ROBO2: variants seen among roughly 807,000 people sequenced by gnomAD.
The protein encoded by ROBO2 is roundabout homolog 2.
A neutral mutation model predicts 160.8 loss-of-function variants in ROBO2; 53 were observed. The ratio of observed to expected loss-of-function variants is 0.33; its 90% CI spans 0.26 to 0.41. The LOEUF is 0.41. Among genes scored for constraint, ROBO2 ranks in the 10% least tolerant of loss-of-function variants. ROBO2 has a pLI of 1.00. For synonymous variants in ROBO2, 664 were observed against 611.7 expected (o/e 1.09, Z -1.26); for missense variants, 1,577 against 1,722.4 (o/e 0.92, Z 1.49).
intron 2 of ROBO2, among the ~76,000 whole-genome samples, chr3:77,292,973 C>T (rs2061498253): frequency 6.8e-6 from 1 of 148,038 alleles, no homozygotes; most frequent in Non-Finnish European, 1.5e-5. Flanking sequence ...TCACCAAAGA[C>T]ATTAAGTAAA....
chr3:76,564,113 C>A (rs182939484), intron 2 of ROBO2, among the ~76,000 whole-genome samples: 1 of 152,196 alleles, frequency 6.6e-6, no homozygotes, highest in South Asian at 2.1e-4. Flanking sequence ...GGCTGAGACA[C>A]GAGAATCGCA....
intron 2 of ROBO2, among the ~76,000 whole-genome samples, chr3:76,465,998 G>GTGT (rs1553763872): frequency 2.0e-5 from 3 of 147,668 alleles, no homozygotes; most frequent in South Asian, 2.1e-4. Context: ...ATAAAATATG[G>GTGT]GTGTGTGTGT....
intron 2 of ROBO2, among the ~76,000 whole-genome samples, chr3:76,207,672 A>G (rs1453564125): frequency 6.6e-6 from 1 of 152,216 alleles, no homozygotes; most frequent in Non-Finnish European, 1.5e-5. Flanking sequence ...GGTGAAATTG[A>G]CAAATGAAAA....
intron 2 of ROBO2, among the ~76,000 whole-genome samples, chr3:76,802,457 G>A (rs569428497): frequency 1.3e-5 from 2 of 152,018 alleles, no homozygotes; most frequent in African/African-American, 2.4e-5. Context: ...GGCCGGGCGC[G>A]GTGGCTCACG....
intron 2 of ROBO2, among the ~76,000 whole-genome samples, chr3:76,656,599 C>G (rs1443000450): frequency 1.3e-5 from 2 of 151,986 alleles, no homozygotes; most frequent in African/African-American, 4.8e-5. Context: ...TTTATGGGCA[C>G]TTGTAAGGTT....
intron 2 of ROBO2, among the ~76,000 whole-genome samples, chr3:76,920,466 C>G (rs756767869): frequency 3.4e-4 from 52 of 152,126 alleles, no homozygotes; most frequent in Non-Finnish European, 6.8e-4. Context: ...TAAAAGTTCA[C>G]CTTTTCCTAG....
intron 2 of ROBO2, among the ~76,000 whole-genome samples, chr3:76,537,871 G>A (rs2108173235): frequency 1.3e-5 from 2 of 152,176 alleles, no homozygotes; most frequent in Non-Finnish European, 2.9e-5. Flanking sequence ...TGTCAGCAGG[G>A]GAGGGGGTCA....
At chr3:76,157,231 A>C (rs1205294180) in intron 2 of ROBO2, among the ~76,000 whole-genome samples, 2 of 152,114 alleles carry the variant, frequency 1.3e-5, no homozygotes, top group African/African-American at 4.8e-5. Context: ...TACTTGGCTG[A>C]TTATTTGAAC....
intron 2 of ROBO2, among the ~76,000 whole-genome samples, chr3:76,089,896 C>T (rs547644714): frequency 3.3e-5 from 5 of 151,980 alleles, no homozygotes; most frequent in Admixed American, 6.6e-5. Context: ...TCCTTGTTTG[C>T]AGATGACATG....
chr3:76,694,407 G>A (rs2107300884), intron 2 of ROBO2, among the ~76,000 whole-genome samples: 1 of 152,226 alleles, frequency 6.6e-6, no homozygotes, highest in Non-Finnish European at 1.5e-5. Flanking sequence ...AGCTAGTTCA[G>A]TGACTGTTAT....
At chr3:76,217,036 T>C (rs1440518100) in intron 2 of ROBO2, among the ~76,000 whole-genome samples, 2 of 152,122 alleles carry the variant, frequency 1.3e-5, no homozygotes, top group African/African-American at 2.4e-5. Flanking sequence ...ACATGGAAAC[T>C]GAACAACCTG....
At chr3:76,509,519 C>T (rs996615134) in intron 2 of ROBO2, among the ~76,000 whole-genome samples, 3 of 152,092 alleles carry the variant, frequency 2.0e-5, no homozygotes. Context: ...AAGGAAGCTT[C>T]TCCTTATTCA....
intron 2 of ROBO2, among the ~76,000 whole-genome samples, chr3:76,917,827 G>C (rs1462642420): frequency 6.6e-6 from 1 of 152,080 alleles, no homozygotes; most frequent in East Asian, 1.9e-4. Flanking sequence ...AATATGAGCA[G>C]GTGTAAAGAC....
At chr3:76,430,424 G>A (rs1042496259) in intron 2 of ROBO2, among the ~76,000 whole-genome samples, 1 of 151,988 alleles carries the variant, frequency 6.6e-6, no homozygotes, top group Non-Finnish European at 1.5e-5. Context: ...ACAAATGCCA[G>A]CTGTTTTACA....
intron 2 of ROBO2, among the ~76,000 whole-genome samples, chr3:76,012,710 G>T (rs73841068): frequency 0.017 from 2,582 of 152,138 alleles, 74 homozygotes; most frequent in African/African-American, 0.057. Flanking sequence ...ATTTTTAGAG[G>T]TATATAATTT....
chr3:77,215,775 T>A (rs1346532478), intron 2 of ROBO2, among the ~76,000 whole-genome samples: 1 of 152,202 alleles, frequency 6.6e-6, no homozygotes, highest in East Asian at 1.9e-4. Flanking sequence ...ATGTCCTTTC[T>A]GTTTGTTAGT....
intron 2 of ROBO2, among the ~76,000 whole-genome samples, chr3:76,804,974 G>A (rs183346186): frequency 1.3e-4 from 20 of 152,228 alleles, no homozygotes; most frequent in African/African-American, 4.8e-4. Flanking sequence ...TAAAATCAAT[G>A]ATGTTAAATA....
intron 2 of ROBO2, among the ~76,000 whole-genome samples, chr3:76,676,890 C>A (rs2092425497): frequency 6.6e-6 from 1 of 152,010 alleles, no homozygotes; most frequent in Non-Finnish European, 1.5e-5. Context: ...TAGGTTCATG[C>A]CCATCACCTG....
chr3:76,750,711 T>G (rs2093970385), intron 2 of ROBO2, among the ~76,000 whole-genome samples: 1 of 151,956 alleles, frequency 6.6e-6, no homozygotes, highest in Non-Finnish European at 1.5e-5. Context: ...TCAAAGAGAA[T>G]AAAATACCTA....
Sources: gnomAD v4.1 joint callset for allele counts (sites outside exome capture counted in the v4.1 genomes callset) on GRCh38, gnomAD v4.1.1 for gene constraint, MANE v1.5 for transcripts, NCBI Gene and HGNC (gene_info 2026-07-23, HGNC 2026-07-21) for gene names.